The following ZNF318 variants were observed in gnomAD, a reference collection of about 807,000 sequenced individuals.
ZNF318 encodes endocrine regulator.
ZNF318 carries 51 observed loss-of-function variants against 124.2 expected under a neutral mutation model. The ratio of observed to expected loss-of-function variants is 0.41; its 90% CI spans 0.33 to 0.52. ZNF318 has a LOEUF of 0.52. Among genes scored for constraint, ZNF318 ranks in the 20% least tolerant of loss-of-function variants. ZNF318 has a pLI of 0.23. For synonymous variants in ZNF318, 1,090 were observed against 1,040.7 expected, an observed-to-expected ratio of 1.05 and a Z score of -0.91; for missense variants, 2,815 against 2,811.2, an observed-to-expected ratio of 1.00 and a Z score of -0.03.
chr6:43,357,828 TAA>T, intron 2 of ZNF318, 63 bp from the exon 3 acceptor site: 1 of 1,446,824 alleles, frequency 6.9e-7, no homozygotes, highest in Non-Finnish European at 9.3e-7. Context: ...CAGACAAGGC[TAA>T]GAGACTGGTG....
intron 8 of ZNF318, 151 bp downstream of exon 8, chr6:43,341,961 T>C (rs1488054768): frequency 4.3e-6 from 3 of 691,148 alleles, no homozygotes; most frequent in Non-Finnish European, 7.6e-6. Flanking sequence ...CAGGACCTAG[T>C]ACACTGTTTT....
rs1779801366 is a variant in ZNF318 at position 43,369,142 on chromosome 6, C to T, written c.224G>A (p.Gly75Asp). The T allele has an allele frequency of 8.2e-7, 1 of 1,225,164 alleles. No homozygotes were observed. The highest frequency in any genetic ancestry group is 3.2e-5 in the East Asian group (1 of 31,056). The allele number at this position is 1,225,164 out of a possible 1,614,324, so 75.9% of individuals were successfully genotyped here. ...AGGCGGGGACGGGGAGACGCGACGA[C>T]CCCGTGGCGGGGACGGCGAGGCCCG... ...GRRASPSPPR[G>D]RRVSPSPPRA... The change falls in exon 1 of 10, where the codon GGT (glycine) becomes GAT (aspartate). Residue 75 changes from glycine (G) to aspartate (D), a missense_variant. Around this residue, in one of 4 missense-constraint regions of ZNF318, gnomAD observed 1,377 missense variants for 1,353.5 expected, o/e 1.02. Transcript: ENST00000361428.
chr6:43,361,494 G>A (rs1304710500), intron 2 of ZNF318, among the ~76,000 whole-genome samples: 1 of 152,226 alleles, frequency 6.6e-6, no homozygotes, highest in Non-Finnish European at 1.5e-5. Context: ...GAGCCCAGGA[G>A]TTTGAGGTTA....
intron 4 of ZNF318, among the ~76,000 whole-genome samples, chr6:43,354,004 G>A (rs1050701246): frequency 2.6e-5 from 4 of 151,994 alleles, no homozygotes; most frequent in African/African-American, 7.3e-5. Context: ...GGGAGAGGCT[G>A]GCAGGGGAGG....
At chr6:43,352,574 T>C in intron 4 of ZNF318, 98 bp from the exon 5 acceptor site, 1 of 1,113,542 alleles carries the variant, frequency 9.0e-7, no homozygotes, top group South Asian at 1.3e-5. Flanking sequence ...TATCTGAATG[T>C]AAGGATCCAA....
rs757949485 is a variant in ZNF318, at chr6:43,340,062, A to C, written c.3936T>G (p.Thr1312=). The C allele has an allele frequency of 1.2e-6, 2 of 1,614,056 alleles. No individual in the cohort carries two copies. The highest frequency in any genetic ancestry group is 2.2e-5 in the South Asian group (2 of 91,086). ...ESSKDKEDGK[T]EAGKAKPIKI... ...TGATAGGCTTTGCCTTCCCAGCTTC[A>C]GTTTTGCCATCCTCTTTGTCCTTAC... Residue 1312 remains threonine, a synonymous_variant, in exon 10 of 10, where the codon ACT becomes ACG. Coordinates refer to ENST00000361428, the MANE Select transcript of ZNF318 (RefSeq NM_014345.3).
chr6:43,343,450 CATAG>C (rs1779398718), intron 6 of ZNF318, among the ~76,000 whole-genome samples: 1 of 152,092 alleles, frequency 6.6e-6, no homozygotes, highest in African/African-American at 2.4e-5. Context: ...TACAACTACA[CATAG>C]ATAAAGTCAT....
intron 5 of ZNF318, among the ~76,000 whole-genome samples, chr6:43,350,403 T>G (rs1779509499): frequency 1.3e-5 from 2 of 152,290 alleles, no homozygotes; most frequent in East Asian, 1.9e-4. Context: ...AGATTATAAC[T>G]TATCAAATGA....
intron 1 of ZNF318, among the ~76,000 whole-genome samples, chr6:43,366,143 G>GCC (rs1412806775): frequency 1.3e-5 from 2 of 152,144 alleles, no homozygotes; most frequent in Admixed American, 1.3e-4. Flanking sequence ...TTTTTCTCAG[G>GCC]TGATAACCTG....
At position 43,342,723 on chromosome 6, in the gene ZNF318, T is replaced by TC; in HGVS notation, c.3228dup (p.Thr1077AspfsTer4). ...ATATGAGTGAAGAAATCAAACATGG[T>TC]CCCACAGATGGTGTTGCAGTCTTTG... is the stretch of plus-strand genomic sequence containing the variant. On this transcript the variant is annotated frameshift_variant, in exon 7 of 10. Transcript: ENST00000361428. LOFTEE classifies it high-confidence loss of function. 1 of 1,614,212 alleles carries TC rather than the reference T, an allele frequency of 6.2e-7. No homozygotes were observed. Among genetic ancestry groups the TC allele is most frequent in the Non-Finnish European group, 8.5e-7 (1 of 1,180,042 alleles).
rs1180824552 is a variant in ZNF318 at position 43,337,960 on chromosome 6, G to A, written c.6038C>T (p.Ala2013Val). ...AGGCATATCCCCCAGATTCCCCAGG[G>A]CAGTAAGCTCCTCTACCTTTAAGTC... ...ATDLKVEELT[A>V]LGNLGDMPVD... The change falls in exon 10 of 10, where the codon GCC becomes GTC. Residue 2013 changes from alanine (A) to valine (V), a missense_variant. By Grantham distance (64) the Ala-to-Val change is moderately conservative. This residue lies in a region of ZNF318 where 927 missense variants were observed against 820.6 expected (regional missense o/e 1.13). Coordinates refer to ENST00000361428, the MANE Select transcript of ZNF318 (RefSeq NM_014345.3). 3.7e-6 allele frequency: 6 copies of A among 1,614,062 alleles called. No homozygotes were observed. The highest frequency in any genetic ancestry group is 5.1e-6 in the Non-Finnish European group (6 of 1,180,040).
chr6:43,345,638 C>G (rs1232316741), intron 6 of ZNF318, among the ~76,000 whole-genome samples: 1 of 152,134 alleles, frequency 6.6e-6, no homozygotes, highest in East Asian at 1.9e-4. Flanking sequence ...GTATAAAAGA[C>G]TAGGCCTACC....
At chr6:43,368,569 C>G in intron 1 of ZNF318, 8 of 765,992 alleles carry the variant, frequency 1.0e-5, no homozygotes, top group Non-Finnish European at 1.3e-5. Flanking sequence ...TCGGCTTTTT[C>G]CCCTAAGATC....
At chr6:43,357,788 T>A (rs373862438) in intron 2 of ZNF318, 23 bp from the exon 3 acceptor site, 19 of 1,563,300 alleles carry the variant, frequency 1.2e-5, no homozygotes, top group Non-Finnish European at 1.6e-5. Flanking sequence ...AGAAGCATCA[T>A]TGAACAAATG....
rs371578072 is a variant in ZNF318, at chr6:43,338,232, C to A, written c.5766G>T (p.Glu1922Asp). 9 of 1,614,024 alleles carry A rather than the reference C, an allele frequency of 5.6e-6. No homozygotes were observed. Among genetic ancestry groups the A allele is most frequent in the Middle Eastern group, 1.6e-4 (1 of 6,084 alleles). Residue 1922 changes from glutamate (E) to aspartate (D), a missense_variant, in exon 10 of 10, where the codon GAG (glutamate) becomes GAT (aspartate). By Grantham distance (45) the Glu-to-Asp change is conservative. Coordinates refer to ENST00000361428, the MANE Select transcript of ZNF318 (RefSeq NM_014345.3). ...TAGAAGCTGATTCTGGAGCTGAATT[C>A]TCTAGCCCCTCCTCACTAACAACTG... ...GVSVVSEEGL[E>D]NSAPESASRT...
chr6:43,358,682 G>A (rs1245072906), intron 2 of ZNF318, among the ~76,000 whole-genome samples: 5 of 152,102 alleles, frequency 3.3e-5, no homozygotes, highest in Non-Finnish European at 5.9e-5. Context: ...ACCTCCTTAA[G>A]TAGCTGGGAT....
At chr6:43,344,179 C>G (rs747334939) in intron 6 of ZNF318, among the ~76,000 whole-genome samples, 10 of 152,250 alleles carry the variant, frequency 6.6e-5, no homozygotes, top group Middle Eastern at 3.4e-3. Context: ...TACCTGAGTC[C>G]TATTCAAGAA....
In ZNF318 at chr6:43,355,924, A is replaced by C. The variant is rs751451800; in HGVS notation, c.1410T>G (p.Phe470Leu). 1.0e-4 allele frequency: 164 copies of C among 1,614,084 alleles called. No homozygotes were observed. The highest frequency in any genetic ancestry group is 1.4e-4 in the Non-Finnish European group (162 of 1,180,048). The change falls in exon 4 of 10, where the codon TTT (phenylalanine) becomes TTG (leucine). Residue 470 changes from phenylalanine to leucine, a missense_variant. This residue lies in a region of ZNF318 where 1,377 missense variants were observed against 1,353.5 expected (regional missense o/e 1.02). Coordinates refer to ENST00000361428, the MANE Select transcript of ZNF318 (RefSeq NM_014345.3). ...PKDNSPLREKFGSFLCHKDNL... is the reference protein window; with the variant it reads ...PKDNSPLREKLGSFLCHKDNL... ...TATCCTTGTGGCATAGAAAACTTCC[A>C]AATTTTTCTCTGAGAGGACTGTTGT... is the stretch of plus-strand genomic sequence containing the variant.
Position 43,340,044 on chromosome 6 carries a change from C to T in ZNF318, c.3954G>A (p.Lys1318=). 6.2e-7 allele frequency: 1 copy of T among 1,614,160 alleles called. No individual in the cohort carries two copies. The highest frequency in any genetic ancestry group is 8.5e-7 in the Non-Finnish European group (1 of 1,180,030). The change falls in exon 10 of 10, where the codon AAG becomes AAA. Residue 1318 remains lysine (K), a synonymous_variant. Coordinates refer to ENST00000361428, the MANE Select transcript of ZNF318 (RefSeq NM_014345.3). ...TCCCAGAGAGCTTGATTTTGATAGG[C>T]TTTGCCTTCCCAGCTTCAGTTTTGC... ...EDGKTEAGKA[K]PIKIKLSGKT...
Sources: allele counts gnomAD v4.1 joint callset (sites outside exome capture counted in the v4.1 genomes callset), GRCh38; gene constraint gnomAD v4.1.1; regional missense constraint gnomAD v4.1.1; transcripts MANE v1.5; gene names NCBI Gene and HGNC (gene_info 2026-07-23, HGNC 2026-07-21).